RASGRF2: variants seen among roughly 807,000 people sequenced by gnomAD.
The protein encoded by RASGRF2 is Ras protein specific guanine nucleotide releasing factor 2.
RASGRF2 carries 76 observed loss-of-function variants against 151.0 expected under a neutral mutation model. The observed-to-expected ratio is 0.50, with a 90% CI of 0.42 to 0.61. RASGRF2 has a LOEUF of 0.61. Among genes scored for constraint, RASGRF2 ranks in the 20% least tolerant of loss-of-function variants. The probability of loss-of-function intolerance (pLI) is 0.00; values close to 1 mark genes in which losing one functional copy is unlikely to be tolerated. For missense variants in RASGRF2, 1,148 were observed against 1,564.6 expected (o/e 0.73, Z 4.49); for synonymous variants, 504 against 566.5 (o/e 0.89, Z 1.57).
At chr5:80,967,534 G>A (rs1386845129) in intron 1 of RASGRF2, among the ~76,000 whole-genome samples, 1 of 152,148 alleles carries the variant, frequency 6.6e-6, no homozygotes, top group Non-Finnish European at 1.5e-5. Flanking sequence ...TGTGGTGATG[G>A]AAACAGCAGG....
chr5:81,215,764 C>G, intron 23 of RASGRF2, 112 bp from the exon 24 acceptor site: 1 of 1,286,998 alleles, frequency 7.8e-7, no homozygotes, highest in Non-Finnish European at 1.0e-6. Context: ...TTTATTCTGG[C>G]AAAGGTGTCA....
intron 18 of RASGRF2, among the ~76,000 whole-genome samples, chr5:81,195,575 T>A (rs531881968): frequency 7.5e-5 from 3 of 39,906 alleles, no homozygotes; most frequent in Non-Finnish European, 1.5e-4. Context: ...TTTTGTGACC[T>A]TTTTTTTTTT....
intron 7 of RASGRF2, among the ~76,000 whole-genome samples, chr5:81,083,405 G>A (rs535461594): frequency 6.6e-6 from 1 of 151,928 alleles, no homozygotes; most frequent in Non-Finnish European, 1.5e-5. Context: ...GAGAGGAGGA[G>A]AGGCAATTGG....
chr5:81,177,834 G>C (rs999364951), intron 17 of RASGRF2, among the ~76,000 whole-genome samples: 1 of 152,164 alleles, frequency 6.6e-6, no homozygotes, highest in African/African-American at 2.4e-5. Context: ...AATTGTTTCA[G>C]ATATGTAGCA....
At chr5:81,140,922 T>C (rs1753869838) in intron 17 of RASGRF2, among the ~76,000 whole-genome samples, 1 of 151,892 alleles carries the variant, frequency 6.6e-6, no homozygotes, top group African/African-American at 2.4e-5. Flanking sequence ...ACACAGCCAC[T>C]GCCCAGCCCC....
In RASGRF2 at chr5:81,087,031, T is replaced by C. The variant is rs1752252434; in HGVS notation, c.1390+78T>C. The stretch of plus-strand genomic sequence containing the variant: ...TGATCTCGGCACACCCCGGAAGGCG[T>C]TCTGAACAGGCGTGACGGGTGCGGT... On this transcript the variant is annotated intron_variant, in intron 9 of 26. Transcript: ENST00000265080. The C allele has an allele frequency of 6.7e-6, 9 of 1,345,408 alleles. No individual in the cohort carries two copies. The Admixed American group carries it at 1.4e-4, about 20-fold the overall frequency. 83.3% of individuals were successfully genotyped at this position (1,345,408 alleles called of 1,614,324 possible).
chr5:81,079,152 T>G (rs1458582578), intron 5 of RASGRF2, among the ~76,000 whole-genome samples: 1 of 152,222 alleles, frequency 6.6e-6, no homozygotes, highest in Non-Finnish European at 1.5e-5. Context: ...CAAGGGAGTC[T>G]GGGAAATGTA....
At chr5:81,127,406 C>T (rs183409446) in intron 17 of RASGRF2, among the ~76,000 whole-genome samples, 38 of 152,052 alleles carry the variant, frequency 2.5e-4, no homozygotes, top group Admixed American at 9.8e-4. Context: ...GCCTGTAGTC[C>T]CAGTTACTCA....
At chr5:81,203,768 C>T (rs976661016) in intron 19 of RASGRF2, among the ~76,000 whole-genome samples, 43 of 152,286 alleles carry the variant, frequency 2.8e-4, no homozygotes, top group African/African-American at 9.4e-4. Context: ...GTGAAGAGTA[C>T]ATGATGTGAA....
chr5:81,168,065 TGAC>T (rs1270630858), intron 17 of RASGRF2, among the ~76,000 whole-genome samples: 1 of 152,030 alleles, frequency 6.6e-6, no homozygotes, highest in African/African-American at 2.4e-5. Flanking sequence ...TGGTCAAGGA[TGAC>T]CTCTTCCCTC....
At chr5:81,054,148 T>A (rs552511004) in intron 2 of RASGRF2, among the ~76,000 whole-genome samples, 11 of 152,408 alleles carry the variant, frequency 7.2e-5, no homozygotes, top group African/African-American at 2.6e-4. Context: ...CATTTGTCAA[T>A]TTTGGCTTTT....
At chr5:80,961,062 T>G in intron 1 of RASGRF2, 36 bp downstream of exon 1, 1 of 1,414,330 alleles carries the variant, frequency 7.1e-7, no homozygotes, top group Middle Eastern at 2.7e-4. Context: ...CTCCCAGCCT[T>G]GATCGCCGCA....
intron 1 of RASGRF2, among the ~76,000 whole-genome samples, chr5:81,018,720 G>A (rs1749722598): frequency 6.6e-6 from 1 of 151,778 alleles, no homozygotes; most frequent in Admixed American, 6.6e-5. Flanking sequence ...ATTATACGGT[G>A]AATAACATGA....
intron 22 of RASGRF2, 88 bp downstream of exon 22, chr5:81,208,526 G>C: frequency 2.5e-6 from 1 of 398,456 alleles, no homozygotes; most frequent in Non-Finnish European, 4.2e-6. Flanking sequence ...AAGCAACTCT[G>C]TCACCCACTT....
intron 13 of RASGRF2, among the ~76,000 whole-genome samples, chr5:81,109,318 C>T (rs565901347): frequency 7.6e-4 from 116 of 152,270 alleles, no homozygotes; most frequent in African/African-American, 2.3e-3. Context: ...TTACATATGT[C>T]TTCACTCAGG....
chr5:81,035,743 G>T (rs1428078067), intron 1 of RASGRF2, among the ~76,000 whole-genome samples: 1 of 152,072 alleles, frequency 6.6e-6, no homozygotes, highest in African/African-American at 2.4e-5. Context: ...ATAAAGAAAT[G>T]GAAAATACGA....
chr5:80,998,766 T>C (rs1748982020), intron 1 of RASGRF2, among the ~76,000 whole-genome samples: 1 of 152,208 alleles, frequency 6.6e-6, no homozygotes. Context: ...ACAGCCAGGC[T>C]TGGGGGCTTC....
At chr5:81,060,659 A>G (rs141529014) in intron 2 of RASGRF2, among the ~76,000 whole-genome samples, 2 of 152,318 alleles carry the variant, frequency 1.3e-5, no homozygotes, top group East Asian at 1.9e-4. Flanking sequence ...GTAAATATTT[A>G]TTGACTCAAA....
intron 4 of RASGRF2, among the ~76,000 whole-genome samples, chr5:81,072,223 G>T (rs748873497): frequency 2.6e-5 from 4 of 152,136 alleles, no homozygotes; most frequent in Non-Finnish European, 4.4e-5. Context: ...ATTTTTGTTA[G>T]ATTTCTTCAA....
Sources: gnomAD v4.1 joint callset for allele counts (sites outside exome capture counted in the v4.1 genomes callset) on GRCh38, gnomAD v4.1.1 for gene constraint, MANE v1.5 for transcripts, NCBI Gene and HGNC (gene_info 2026-07-23, HGNC 2026-07-21) for gene names.